The following INTS7 variants were observed in gnomAD, a reference collection of about 807,000 sequenced individuals.
The protein encoded by INTS7 is chromosome 1 open reading frame 73.
Under a neutral mutation model 109.2 loss-of-function variants are expected in INTS7, and 46 were observed. The observed-to-expected ratio is 0.42, with a 90% CI of 0.33 to 0.54. The LOEUF is 0.54. INTS7 is among the 20% of genes least tolerant of loss of function. INTS7 has a pLI of 0.07. For synonymous variants in INTS7, 412 were observed against 402.9 expected, an observed-to-expected ratio of 1.02 and a Z score of -0.27; for missense variants, 929 against 1,132.4, an observed-to-expected ratio of 0.82 and a Z score of 2.58.
intron 15 of INTS7, among the ~76,000 whole-genome samples, 175 bp downstream of exon 15, chr1:211,967,703 C>A (rs561992129): frequency 7.9e-5 from 12 of 151,996 alleles, no homozygotes; most frequent in African/African-American, 2.7e-4. Context: ...TGTTAAAATC[C>A]TGGGTAAAGT....
At position 211,954,863 on chromosome 1, in the gene INTS7, T is replaced by C. The variant is rs191943298; in HGVS notation, c.2184-2162A>G. 4.6e-5 allele frequency among the ~76,000 whole-genome samples: 7 copies of C among 152,360 alleles called. No homozygotes were observed. The East Asian group carries it at 1.3e-3, about 29-fold the overall frequency. ...CCGGCTTTGTTCTTTTGGTTTAGGA[T>C]TGACTTGGTGATGTGGGCTCTTTTT... On this transcript the variant is annotated intron_variant, in intron 16 of 19. Coordinates refer to ENST00000366994, the MANE Select transcript of INTS7 (RefSeq NM_015434.4).
At chr1:211,945,958 A>C (rs1026487267) in intron 18 of INTS7, among the ~76,000 whole-genome samples, 3 of 152,224 alleles carry the variant, frequency 2.0e-5, no homozygotes, top group African/African-American at 7.2e-5. Context: ...AGTTGGGTCT[A>C]TAAGTTGGGT....
At chr1:212,008,200 G>A (rs1666020277) in intron 5 of INTS7, among the ~76,000 whole-genome samples, 1 of 152,164 alleles carries the variant, frequency 6.6e-6, no homozygotes, top group Admixed American at 6.6e-5. Context: ...AAACTCCCTT[G>A]CTAGATGGCC....
chr1:211,942,034 C>T lies in INTS7; in HGVS notation c.2679G>A (p.Leu893=), dbSNP rs532252680. The T allele has an allele frequency of 1.2e-5, 19 of 1,614,162 alleles. No homozygotes were observed. The South Asian group carries it at 1.8e-4, about 15-fold the overall frequency. ...PHNDYFSTQF[L]LNFAILGTHN... ...GTGTTCCAAGGATAGCAAAGTTCAA[C>T]AGAAATTGAGTACTGAAGTAATCAT... is the stretch of plus-strand genomic sequence containing the variant. Residue 893 remains leucine, a synonymous_variant, in exon 20 of 20, where the codon CTG becomes CTA. Transcript: ENST00000366994. This position sits in a 1 kb window ranked among gnomAD's most constrained non-coding sequence, Gnocchi z 4.2.
At chr1:211,977,788 G>A (rs919057000) in intron 11 of INTS7, among the ~76,000 whole-genome samples, 3 of 152,148 alleles carry the variant, frequency 2.0e-5, no homozygotes, top group Non-Finnish European at 4.4e-5. Context: ...GTCTACAGAA[G>A]CCTAAACTGG....
At chr1:212,002,093 T>C (rs1329410672) in intron 7 of INTS7, among the ~76,000 whole-genome samples, 1 of 152,184 alleles carries the variant, frequency 6.6e-6, no homozygotes, top group Non-Finnish European at 1.5e-5. Flanking sequence ...TCTCCCAGAG[T>C]CTTGCCCATT....
intron 5 of INTS7, among the ~76,000 whole-genome samples, chr1:212,007,786 C>G (rs1338524733): frequency 6.6e-6 from 1 of 152,088 alleles, no homozygotes; most frequent in Non-Finnish European, 1.5e-5. Flanking sequence ...TATATATACA[C>G]AAACACACAC....
At chr1:212,011,202 G>T (rs932093762) in intron 5 of INTS7, among the ~76,000 whole-genome samples, 173 bp downstream of exon 5, 42 of 152,202 alleles carry the variant, frequency 2.8e-4, no homozygotes, top group African/African-American at 9.9e-4. Context: ...TAAGGACTTT[G>T]TTTTGCTCAT....
At chr1:211,949,081 T>C (rs1432693701) in intron 17 of INTS7, among the ~76,000 whole-genome samples, 2 of 152,262 alleles carry the variant, frequency 1.3e-5, no homozygotes, top group East Asian at 1.9e-4. Context: ...CACCTGATAA[T>C]GCTCTTCCTT....
At chr1:211,990,618 T>A (rs1433933481) in intron 7 of INTS7, among the ~76,000 whole-genome samples, 2 of 152,054 alleles carry the variant, frequency 1.3e-5, no homozygotes, top group African/African-American at 4.8e-5. Flanking sequence ...GCAGCAAAAA[T>A]TATCATGAAA....
At chr1:211,957,734 T>C (rs997740632) in intron 16 of INTS7, among the ~76,000 whole-genome samples, 4 of 152,334 alleles carry the variant, frequency 2.6e-5, no homozygotes, top group African/African-American at 7.2e-5. Context: ...CAAATTTTTC[T>C]CTTATGGTAA....
At chr1:212,026,691 T>C (rs901283678) in intron 1 of INTS7, among the ~76,000 whole-genome samples, 1 of 152,184 alleles carries the variant, frequency 6.6e-6, no homozygotes, top group Non-Finnish European at 1.5e-5. Flanking sequence ...CTTACGTATA[T>C]GTGTTGGCAA....
intron 16 of INTS7, among the ~76,000 whole-genome samples, chr1:211,965,562 G>A (rs2102406099): frequency 6.6e-6 from 1 of 152,252 alleles, no homozygotes; most frequent in Admixed American, 6.5e-5. Context: ...GCCCATCGAT[G>A]GCAGACCAGA....
chr1:211,987,288 C>T (rs1203586199), intron 8 of INTS7, among the ~76,000 whole-genome samples: 1 of 151,896 alleles, frequency 6.6e-6, no homozygotes, highest in Non-Finnish European at 1.5e-5. Flanking sequence ...CAGAGTGAGA[C>T]TCTGTCTTAA....
rs1239562015 is a variant in INTS7 at position 211,941,193 on chromosome 1, T to G, written c.*631A>C. On this transcript the variant is annotated 3_prime_UTR_variant, in exon 20 of 20. Coordinates refer to ENST00000366994, the MANE Select transcript of INTS7 (RefSeq NM_015434.4). The stretch of plus-strand genomic sequence containing the variant: ...AACAACTCAGAATCCTAGGTCTAAG[T>G]CAGGCAGCAAATGATGTATTTTGGA... 6.6e-6 allele frequency: 1 copy of G among 152,436 alleles called. No homozygotes were observed. Among genetic ancestry groups the G allele is most frequent in the Non-Finnish European group, 1.5e-5 (1 of 68,266 alleles). 9.4% of individuals were successfully genotyped at this position (152,436 alleles called of 1,614,324 possible). A position where few individuals can be genotyped will look rare whatever the true frequency, so the allele number is the denominator to read the frequency against.
intron 7 of INTS7, among the ~76,000 whole-genome samples, chr1:212,000,850 C>T (rs753809952): frequency 7.9e-5 from 12 of 152,114 alleles, no homozygotes; most frequent in Non-Finnish European, 1.6e-4. Context: ...GTCTTCCTTC[C>T]TATTCTATGT....
At position 212,008,992 on chromosome 1, in the gene INTS7, CCT is replaced by C. The variant is rs1263849084; in HGVS notation, c.557-1545_557-1544del. On this transcript the variant is annotated intron_variant, in intron 5 of 19. Transcript: ENST00000366994. ...ATGGCAGACTCCACTCTTATATCCC[CCT>C]CTTTCCTCCACTGCAAGTTTATTCT... Among the ~76,000 whole-genome samples the C allele has an allele frequency of 5.3e-5, 8 of 152,282 alleles. No individual in the cohort carries two copies. In the East Asian group the frequency reaches 7.7e-4, roughly 15 times the overall value.
At chr1:212,018,146 C>T (rs1389794526) in intron 3 of INTS7, among the ~76,000 whole-genome samples, 2 of 152,132 alleles carry the variant, frequency 1.3e-5, no homozygotes, top group Non-Finnish European at 2.9e-5. Context: ...TATTTTACTA[C>T]TCTTTTAAAT....
chr1:212,021,034 G>T (rs1297088208), intron 2 of INTS7, 49 bp downstream of exon 2: 2 of 1,519,532 alleles, frequency 1.3e-6, no homozygotes, highest in Admixed American at 2.2e-5. Flanking sequence ...TATAAAACAA[G>T]AAATATGAAC....
Sources: gnomAD v4.1 joint callset for allele counts (sites outside exome capture counted in the v4.1 genomes callset) on GRCh38, gnomAD v4.1.1 for gene constraint, Gnocchi (gnomAD v3.1) non-coding constraint, MANE v1.5 for transcripts, NCBI Gene and HGNC (gene_info 2026-07-23, HGNC 2026-07-21) for gene names.